The following ADCY8 variants were observed in gnomAD, a reference collection of about 807,000 sequenced individuals.
The protein encoded by ADCY8 is adenylate cyclase type 8.
In ADCY8, 51 loss-of-function variants were observed where a neutral mutation model predicts 119.7. That is an observed-to-expected ratio of 0.43 (90% CI 0.34 to 0.54). ADCY8 has a LOEUF of 0.54. ADCY8 is among the 20% of genes least tolerant of loss of function. ADCY8 has a pLI of 0.03. For missense variants in ADCY8, 1,383 were observed against 1,598.8 expected (o/e 0.87, Z 2.30); for synonymous variants, 665 against 651.0 (o/e 1.02, Z -0.33).
chr8:131,022,704 C>T (rs762748395), intron 1 of ADCY8, among the ~76,000 whole-genome samples: 6 of 152,056 alleles, frequency 3.9e-5, no homozygotes, highest in Non-Finnish European at 8.8e-5. Flanking sequence ...AGGATGAAAC[C>T]CATTAAAGTA....
intron 17 of ADCY8, among the ~76,000 whole-genome samples, chr8:130,781,942 A>G (rs1410679950): frequency 3.9e-5 from 6 of 152,226 alleles, no homozygotes; most frequent in Non-Finnish European, 7.3e-5. Flanking sequence ...GGAAAGAAAT[A>G]CAGCCCTGGT....
At chr8:130,937,680 G>A (rs1820829480) in intron 4 of ADCY8, among the ~76,000 whole-genome samples, 2 of 152,156 alleles carry the variant, frequency 1.3e-5, no homozygotes, top group South Asian at 4.1e-4. Flanking sequence ...TTCCTTTCCA[G>A]CAAGGACATT....
chr8:131,026,380 G>GC (rs1823824247), intron 1 of ADCY8, among the ~76,000 whole-genome samples: 1 of 151,210 alleles, frequency 6.6e-6, no homozygotes, highest in South Asian at 2.1e-4. Flanking sequence ...AGAAATAAAT[G>GC]TTTTTTTTTG....
intron 7 of ADCY8, among the ~76,000 whole-genome samples, chr8:130,899,950 T>G (rs1405184642): frequency 9.2e-5 from 14 of 152,162 alleles, no homozygotes; most frequent in Admixed American, 9.2e-4. Context: ...ACTTCAATCA[T>G]CTCCTTCTAC....
chr8:130,977,354 T>C (rs1243215012), intron 2 of ADCY8, among the ~76,000 whole-genome samples: 1 of 152,220 alleles, frequency 6.6e-6, no homozygotes, highest in Non-Finnish European at 1.5e-5. Context: ...ATACTTGTAA[T>C]ACTCATTCAT....
chr8:130,984,390 T>A (rs1163246623), intron 2 of ADCY8, among the ~76,000 whole-genome samples: 1 of 152,004 alleles, frequency 6.6e-6, no homozygotes, highest in African/African-American at 2.4e-5. Flanking sequence ...TGCCTCACCA[T>A]CTCAACATCA....
rs1170776809 is a variant in ADCY8, at chr8:130,952,052, GGGAGGGT to G, written c.1111-61_1111-55del. On this transcript the variant is annotated intron_variant, in intron 2 of 17. Transcript: ENST00000286355. ...TTAGGCTGACCAGCGAGTCTCAGAT[GGGAGGGT>G]GGAGGGTGGAGAAGTCATGGGGCTT... 10 of 1,603,192 alleles carry G rather than the reference GGGAGGGT, an allele frequency of 6.2e-6. No individual in the cohort carries two copies. In the Admixed American group the frequency reaches 8.4e-5, roughly 13 times the overall value.
chr8:131,014,266 A>G (rs765319863), intron 1 of ADCY8, among the ~76,000 whole-genome samples: 13 of 152,226 alleles, frequency 8.5e-5, no homozygotes, highest in Non-Finnish European at 1.6e-4. Context: ...TCACGTTTCA[A>G]TCAAATAAAA....
intron 6 of ADCY8, among the ~76,000 whole-genome samples, chr8:130,905,671 C>A (rs899411604): frequency 6.6e-6 from 1 of 152,032 alleles, no homozygotes; most frequent in Non-Finnish European, 1.5e-5. Flanking sequence ...CCAGCCTGGG[C>A]AACATGACAA....
intron 1 of ADCY8, among the ~76,000 whole-genome samples, chr8:131,035,327 C>A (rs1382101455): frequency 1.3e-5 from 2 of 152,132 alleles, no homozygotes; most frequent in African/African-American, 4.8e-5. Flanking sequence ...CTGAAAGTTT[C>A]TCGGTCTTTC....
At chr8:130,814,022 C>T in intron 14 of ADCY8, 47 bp downstream of exon 14, 1 of 1,607,298 alleles carries the variant, frequency 6.2e-7, no homozygotes, top group Non-Finnish European at 8.5e-7. Flanking sequence ...AACTGCACAT[C>T]ACCCACCACC....
chr8:130,860,453 G>T (rs945324230), intron 9 of ADCY8, among the ~76,000 whole-genome samples: 14 of 151,894 alleles, frequency 9.2e-5, no homozygotes, highest in African/African-American at 3.4e-4. Context: ...TAATTTTGGT[G>T]GTGTGTCTTA....
intron 4 of ADCY8, among the ~76,000 whole-genome samples, chr8:130,937,770 A>C (rs79710260): frequency 0.027 from 4,117 of 152,258 alleles, 93 homozygotes; most frequent in Middle Eastern, 0.051. Context: ...TCATTGAAAA[A>C]ATTAAAAATC....
intron 11 of ADCY8, among the ~76,000 whole-genome samples, chr8:130,845,396 G>A (rs948322507): frequency 2.0e-5 from 3 of 152,200 alleles, no homozygotes; most frequent in African/African-American, 4.8e-5. Context: ...CAGTAGCCAT[G>A]TAAAGAAGGT....
chr8:130,794,249 C>T (rs1013154556), intron 15 of ADCY8, among the ~76,000 whole-genome samples: 11 of 152,072 alleles, frequency 7.2e-5, no homozygotes, highest in African/African-American at 1.4e-4. Context: ...TTTGTTTGTT[C>T]GTTTGTTTGT....
At chr8:131,030,460 G>T (rs1442205550) in intron 1 of ADCY8, among the ~76,000 whole-genome samples, 1 of 152,136 alleles carries the variant, frequency 6.6e-6, no homozygotes, top group Non-Finnish European at 1.5e-5. Context: ...ATCCACTGCA[G>T]CTTTGATGTT....
intron 4 of ADCY8, among the ~76,000 whole-genome samples, chr8:130,940,994 T>G (rs1201617706): frequency 2.0e-5 from 3 of 152,188 alleles, no homozygotes; most frequent in East Asian, 3.8e-4. Context: ...TTTTATGTAA[T>G]GAACATGTAT....
chr8:130,982,665 A>C (rs1219506074), intron 2 of ADCY8, among the ~76,000 whole-genome samples: 2 of 151,308 alleles, frequency 1.3e-5, no homozygotes, highest in Admixed American at 6.6e-5. Context: ...ATAGAAATAC[A>C]ATGTGAACCA....
intron 9 of ADCY8, among the ~76,000 whole-genome samples, chr8:130,860,230 T>C (rs1817881548): frequency 6.6e-6 from 1 of 152,212 alleles, no homozygotes; most frequent in Non-Finnish European, 1.5e-5. Context: ...TTTAAATCTT[T>C]TGTCCATTTA....
Sources: allele counts gnomAD v4.1 joint callset (sites outside exome capture counted in the v4.1 genomes callset), GRCh38; gene constraint gnomAD v4.1.1; transcripts MANE v1.5; gene names NCBI Gene and HGNC (gene_info 2026-07-23, HGNC 2026-07-21).